Variants in COL28A1 observed in about 807,000 individuals in gnomAD.
COL28A1 encodes the protein collagen alpha-1(XXVIII) chain.
Under a neutral mutation model 150.2 loss-of-function variants are expected in COL28A1, and 161 were observed. The ratio of observed to expected loss-of-function variants is 1.07; its 90% CI spans 0.94 to 1.22. COL28A1 has a LOEUF of 1.22. COL28A1 is among the 50% of genes most tolerant of loss of function. The pLI, the probability that COL28A1 is intolerant of heterozygous loss-of-function variation, is 0.00. For synonymous variants in COL28A1, 552 were observed against 469.7 expected, an observed-to-expected ratio of 1.18 and a Z score of -2.26; for missense variants, 1,617 against 1,388.3, an observed-to-expected ratio of 1.16 and a Z score of -2.62.
intron 27 of COL28A1, among the ~76,000 whole-genome samples, chr7:7,383,081 C>T (rs1217400271): frequency 2.0e-5 from 3 of 152,032 alleles, no homozygotes; most frequent in Admixed American, 6.6e-5. Flanking sequence ...AAAGTAAACA[C>T]CTATCTACCA....
intron 16 of COL28A1, among the ~76,000 whole-genome samples, chr7:7,454,803 G>T (rs1258094632): frequency 6.6e-6 from 1 of 152,144 alleles, no homozygotes; most frequent in African/African-American, 2.4e-5. Context: ...AAACTAAAAG[G>T]CTTGAGAATG....
chr7:7,453,628 G>A, intron 16 of COL28A1, 120 bp from the exon 17 acceptor site: 1 of 643,598 alleles, frequency 1.6e-6, no homozygotes, highest in Non-Finnish European at 2.7e-6. Context: ...CATTTGTGGA[G>A]TGGGGTGCCA....
At chr7:7,461,921 G>A (rs534757732) in intron 15 of COL28A1, among the ~76,000 whole-genome samples, 1 of 152,234 alleles carries the variant, frequency 6.6e-6, no homozygotes, top group Admixed American at 6.5e-5. Flanking sequence ...CACCTCCCAG[G>A]AGGAGGCCAA....
chr7:7,463,134 C>T (rs184059923), intron 15 of COL28A1, among the ~76,000 whole-genome samples: 1 of 151,826 alleles, frequency 6.6e-6, no homozygotes, highest in African/African-American at 2.4e-5. Context: ...GGAAAACTTC[C>T]CCACCCCTGC....
At chr7:7,512,803 G>A (rs114040293) in intron 8 of COL28A1, among the ~76,000 whole-genome samples, 4 of 152,120 alleles carry the variant, frequency 2.6e-5, no homozygotes, top group African/African-American at 9.7e-5. Context: ...AAATGTACAG[G>A]CTACCCAATG....
chr7:7,364,386 T>C (rs1413897935), intron 33 of COL28A1, among the ~76,000 whole-genome samples: 1 of 152,206 alleles, frequency 6.6e-6, no homozygotes, highest in Non-Finnish European at 1.5e-5. Context: ...TCTAGACCCT[T>C]ACTTAGCCCA....
intron 31 of COL28A1, among the ~76,000 whole-genome samples, chr7:7,375,059 C>T (rs1193340258): frequency 3.3e-5 from 5 of 152,148 alleles, no homozygotes; most frequent in South Asian, 2.1e-4. Context: ...TTCATGGCTT[C>T]GGGAAAAACA....
intron 15 of COL28A1, among the ~76,000 whole-genome samples, chr7:7,472,374 C>G (rs1788508361): frequency 6.6e-6 from 1 of 151,846 alleles, no homozygotes; most frequent in Non-Finnish European, 1.5e-5. Flanking sequence ...TATACACCAA[C>G]AGCAAACAAG....
At chr7:7,517,628 A>G (rs1422533768) in intron 7 of COL28A1, among the ~76,000 whole-genome samples, 168 bp downstream of exon 7, 1 of 152,092 alleles carries the variant, frequency 6.6e-6, no homozygotes, top group Non-Finnish European at 1.5e-5. Context: ...TTCTCCCCAC[A>G]TTTCCACTTC....
At chr7:7,430,275 C>T (rs1177452020) in intron 25 of COL28A1, among the ~76,000 whole-genome samples, 3 of 152,112 alleles carry the variant, frequency 2.0e-5, no homozygotes, top group African/African-American at 4.8e-5. Context: ...TATAGGCGCC[C>T]ACCACCACGC....
intron 31 of COL28A1, among the ~76,000 whole-genome samples, chr7:7,374,038 A>AAAAAAAAAAAAATATATATATAT: frequency 1.8e-5 from 2 of 113,658 alleles, no homozygotes; most frequent in African/African-American, 7.6e-5. Flanking sequence ...AAAAAAAAAA[A>AAAAAAAAAAAAATATATATATAT]ATATATATAT....
chr7:7,349,128 T>C, the COL28A1 span, among the ~76,000 whole-genome samples: 1 of 152,182 alleles, frequency 6.6e-6, no homozygotes, highest in Non-Finnish European at 1.5e-5. Flanking sequence ...TTTTGACATA[T>C]GGACCTTAAA....
At chr7:7,454,665 C>T (rs920783398) in intron 16 of COL28A1, among the ~76,000 whole-genome samples, 2 of 152,158 alleles carry the variant, frequency 1.3e-5, no homozygotes, top group Admixed American at 6.6e-5. Flanking sequence ...TCTGAACAGA[C>T]TTGTCTTCGA....
At chr7:7,423,937 C>A (rs1418682696) in intron 25 of COL28A1, among the ~76,000 whole-genome samples, 1 of 152,182 alleles carries the variant, frequency 6.6e-6, no homozygotes, top group Non-Finnish European at 1.5e-5. Context: ...TGTCCCGCAG[C>A]CTCAGCCAAT....
intron 27 of COL28A1, among the ~76,000 whole-genome samples, chr7:7,398,379 G>T (rs912124703): frequency 2.0e-5 from 3 of 152,164 alleles, no homozygotes; most frequent in African/African-American, 7.2e-5. Context: ...ACTAGCAAAT[G>T]ATAAAGTGAT....
intron 15 of COL28A1, 136 bp from the exon 16 acceptor site, chr7:7,456,248 CTT>C (rs1489957988): frequency 3.8e-5 from 46 of 1,216,926 alleles, no homozygotes; most frequent in Non-Finnish European, 4.7e-5. Context: ...AATTATAAAA[CTT>C]TATTTTATTC....
the COL28A1 span, among the ~76,000 whole-genome samples, chr7:7,344,360 T>C: frequency 6.6e-6 from 1 of 152,088 alleles, no homozygotes; most frequent in Non-Finnish European, 1.5e-5. Context: ...ATTTTTAGTG[T>C]GCCAGGGTAA....
rs1005560010 is a variant in COL28A1, at chr7:7,373,315, G to A, written c.2591C>T (p.Ala864Val). The A allele has an allele frequency of 3.1e-6, 5 of 1,614,010 alleles. No individual in the cohort carries two copies. The African/African-American group carries it at 6.7e-5, about 22-fold the overall frequency. Residue 864 changes from alanine (A) to valine (V), a missense_variant, in exon 32 of 35, where the codon GCT becomes GTT. Physicochemically the swap from Ala to Val is moderately conservative, Grantham distance 64. Transcript: ENST00000399429. This position sits in a 1 kb window ranked among gnomAD's most constrained non-coding sequence, Gnocchi z 4.1. ...QFSSKDDFKL[A>V]VDNMQYLGEG... is the part of the protein sequence containing the mutation. ...CCCCAGATACTGCATGTTGTCCACA[G>A]CCAACTTGAAGTCATCCTTGCTGGA...
At chr7:7,401,077 C>A (rs1473456921) in intron 27 of COL28A1, among the ~76,000 whole-genome samples, 1 of 145,922 alleles carries the variant, frequency 6.9e-6, no homozygotes, top group African/African-American at 2.5e-5. Context: ...ATCTAATGAT[C>A]ATGTTTCAGT....
Sources: gnomAD v4.1 joint callset for allele counts (sites outside exome capture counted in the v4.1 genomes callset) on GRCh38, gnomAD v4.1.1 for gene constraint, Gnocchi (gnomAD v3.1) non-coding constraint, MANE v1.5 for transcripts, NCBI Gene and HGNC (gene_info 2026-07-23, HGNC 2026-07-21) for gene names.